CCDC3: variants seen among roughly 807,000 people sequenced by gnomAD.
CCDC3 encodes coiled-coil domain containing 3, also known as coiled-coil domain-containing protein 3.
Under a neutral mutation model 21.4 loss-of-function variants are expected in CCDC3, and 24 were observed. The ratio of observed to expected loss-of-function variants is 1.12; its 90% CI spans 0.81 to 1.58. The LOEUF (loss-of-function observed/expected upper bound fraction) is 1.58. Among genes scored for constraint, CCDC3 ranks in the 40% most tolerant of loss-of-function variants. The pLI is 0.00. For missense variants in CCDC3, 425 were observed against 360.9 expected (o/e 1.18, Z -1.44); for synonymous variants, 186 against 166.0 (o/e 1.12, Z -0.93).
chr10:12,981,409 C>T (rs930433748), intron 2 of CCDC3, among the ~76,000 whole-genome samples: 10 of 151,984 alleles, frequency 6.6e-5, no homozygotes, highest in African/African-American at 1.7e-4. Context: ...GGTCTCAGAA[C>T]TCCTGACCTC....
intron 2 of CCDC3, among the ~76,000 whole-genome samples, chr10:12,959,145 C>T (rs1483997018): frequency 1.3e-5 from 2 of 151,622 alleles, no homozygotes; most frequent in Non-Finnish European, 2.9e-5. Context: ...TCCCAACTCA[C>T]CCATCTTCAT....
Position 13,001,212 on chromosome 10 carries a change from T to C in CCDC3, c.359A>G (p.Tyr120Cys), listed in dbSNP as rs1564315865. The C allele has an allele frequency of 6.4e-7, 1 of 1,558,148 alleles. No individual in the cohort carries two copies. Among genetic ancestry groups the C allele is most frequent in the East Asian group, 2.4e-5 (1 of 41,554 alleles). ...HSHTVVQDYSYFFFLRMDENY... is the reference protein window; with the variant it reads ...HSHTVVQDYSCFFFLRMDENY... The stretch of plus-strand genomic sequence containing the variant: ...CCGGGCTCACCTGAGGAAGAAGAAA[T>C]AGGAGTAGTCCTGGACCACGGTGTG... The change falls in exon 1 of 3, where the codon TAT becomes TGT. Residue 120 changes from tyrosine to cysteine, a missense_variant. Coordinates refer to ENST00000378825, the MANE Select transcript of CCDC3 (RefSeq NM_031455.4).
At chr10:12,919,821 T>G (rs1312388536) in intron 2 of CCDC3, among the ~76,000 whole-genome samples, 1 of 152,198 alleles carries the variant, frequency 6.6e-6, no homozygotes, top group Admixed American at 6.5e-5. Context: ...ATTAAATCCT[T>G]GCCCTGCAGG....
Position 13,001,527 on chromosome 10 carries a change from G to A in CCDC3, c.44C>T (p.Pro15Leu). Residue 15 changes from proline to leucine, a missense_variant, in exon 1 of 3, where the codon CCC becomes CTC. Physicochemically the swap from Pro to Leu is moderately conservative, Grantham distance 98. Coordinates refer to ENST00000378825, the MANE Select transcript of CCDC3 (RefSeq NM_031455.4). ...CTGGCAGGCGCGCGCGGGCGCTGGG[G>A]GACCCGCCAGGCAGAGCGCGGCGAG... is the stretch of plus-strand genomic sequence containing the variant. The part of the protein sequence containing the change: ...LLLAALCLAG[P>L]PAPARACQLP... 7.6e-7 allele frequency: 1 copy of A among 1,312,998 alleles called. No individual in the cohort carries two copies. Among genetic ancestry groups the A allele is most frequent in the South Asian group, 2.2e-5 (1 of 46,112 alleles). The allele number at this position is 1,312,998 out of a possible 1,614,324, so 81.3% of individuals were successfully genotyped here.
intron 5 of CCDC3, among the ~76,000 whole-genome samples, chr10:13,026,194 A>G (rs908932264): frequency 6.6e-6 from 1 of 152,148 alleles, no homozygotes; most frequent in Admixed American, 6.5e-5. Flanking sequence ...ATAAATAAAA[A>G]TAAATAATTT....
intron 2 of CCDC3, among the ~76,000 whole-genome samples, chr10:12,939,971 AAATAGCATTGACCTGGTCAAGATGGATT>A (rs1834795426): frequency 6.6e-6 from 1 of 152,228 alleles, no homozygotes; most frequent in Non-Finnish European, 1.5e-5. Context: ...AGGCCTTTAA[AAATAGCATTGACCTGGTCAAGATGGATT>A]AAATGCCCAT....
At chr10:13,051,525 T>C (rs188797067) in intron 4 of CCDC3, among the ~76,000 whole-genome samples, 63 of 152,346 alleles carry the variant, frequency 4.1e-4, no homozygotes, top group African/African-American at 1.4e-3. Flanking sequence ...GCAGGTATGA[T>C]GGCAGCTGTC....
Position 13,001,402 on chromosome 10 carries a change from C to T in CCDC3, c.169G>A (p.Gly57Ser). The T allele has an allele frequency of 6.4e-7, 1 of 1,565,638 alleles. No homozygotes were observed. The highest frequency in any genetic ancestry group is 8.7e-7 in the Non-Finnish European group (1 of 1,156,008). Residue 57 changes from glycine (G) to serine (S), a missense_variant, in exon 1 of 3, where the codon GGC (glycine) becomes AGC (serine). By Grantham distance (56) the Gly-to-Ser change is moderately conservative. Coordinates refer to ENST00000378825, the MANE Select transcript of CCDC3 (RefSeq NM_031455.4). ...TGCCAGGGCAGGTGGTTGTAGAGGCCGGGCGCCTCGGGGTGCAGCGCCAGC... is the reference window on the plus strand; with the variant it reads ...TGCCAGGGCAGGTGGTTGTAGAGGCTGGGCGCCTCGGGGTGCAGCGCCAGC... ...RVLALHPEAP[G>S]LYNHLPWQYH...
chr10:13,031,910 G>A (rs1427897025), intron 5 of CCDC3, among the ~76,000 whole-genome samples: 1 of 152,128 alleles, frequency 6.6e-6, no homozygotes, highest in Non-Finnish European at 1.5e-5. Context: ...TCTACCAGAG[G>A]TACAAAGAGG....
chr10:13,066,163 AT>A (rs537714732), intron 4 of CCDC3, among the ~76,000 whole-genome samples: 112 of 147,516 alleles, frequency 7.6e-4, no homozygotes, highest in Non-Finnish European at 8.7e-4. Context: ...ACCCTAGGTG[AT>A]TTTTTTTTTT....
rs140831438 is a variant in CCDC3 at position 13,076,694 on chromosome 10, C to T, written c.-502-2594G>A. 8.2e-3 allele frequency among the ~76,000 whole-genome samples: 1,242 copies of T among 152,312 alleles called. 17 individuals carry two copies. The highest frequency in any genetic ancestry group is 0.028 in the African/African-American group (1,171 of 41,574). ...TATCTGTGCTGGACATGCTCACAGA[C>T]ATGTCCCAGCTCGCAGCCTATGCCC... On this transcript the variant is annotated intron_variant, in intron 3 of 6. Coordinates refer to the CCDC3 transcript ENST00000378839.
chr10:13,077,420 A>C (rs1380058744), intron 3 of CCDC3, among the ~76,000 whole-genome samples: 3 of 152,214 alleles, frequency 2.0e-5, no homozygotes, highest in South Asian at 2.1e-4. Context: ...ATATCGTGAA[A>C]ATGGCCATAC....
At chr10:12,934,835 G>C (rs1326856960) in intron 2 of CCDC3, among the ~76,000 whole-genome samples, 1 of 152,088 alleles carries the variant, frequency 6.6e-6, no homozygotes, top group Non-Finnish European at 1.5e-5. Flanking sequence ...GCCTTGCTCT[G>C]TTGCCCAGGC....
intron 5 of CCDC3, among the ~76,000 whole-genome samples, chr10:13,048,773 G>C (rs570056125): frequency 1.4e-5 from 2 of 147,418 alleles, no homozygotes; most frequent in African/African-American, 4.9e-5. Context: ...AGCTGAGAAG[G>C]GATTAAAATT....
chr10:13,011,914 C>A (rs1717061254), intron 5 of CCDC3, among the ~76,000 whole-genome samples: 1 of 152,192 alleles, frequency 6.6e-6, no homozygotes, highest in African/African-American at 2.4e-5. Flanking sequence ...ACCATCTGAT[C>A]TTTGACAAAG....
chr10:13,078,554 T>C (rs1427910677), intron 3 of CCDC3, among the ~76,000 whole-genome samples: 2 of 152,206 alleles, frequency 1.3e-5, no homozygotes, highest in Non-Finnish European at 1.5e-5. Flanking sequence ...TAAAGACACA[T>C]GCACACATAT....
Position 12,920,426 on chromosome 10 carries a change from T to G in CCDC3, c.550-21747A>C, listed in dbSNP as rs572433570. Among the ~76,000 whole-genome samples, 5 of 152,282 alleles carry G rather than the reference T, an allele frequency of 3.3e-5. No homozygotes were observed. The South Asian group carries it at 1.0e-3, about 32-fold the overall frequency. On this transcript the variant is annotated intron_variant, in intron 2 of 2. Transcript: ENST00000378825. ...AACCACATCACTAAGGCTTTGGACA[T>G]CAAATGTGGACATTTCAGGGCTGGT...
chr10:13,093,842 G>C (rs1406129490), intron 3 of CCDC3, among the ~76,000 whole-genome samples: 1 of 152,090 alleles, frequency 6.6e-6, no homozygotes, highest in Non-Finnish European at 1.5e-5. Context: ...TTAATCCAAA[G>C]AAGCTAAAAC....
At chr10:12,931,102 C>G (rs905200938) in intron 2 of CCDC3, among the ~76,000 whole-genome samples, 1 of 149,744 alleles carries the variant, frequency 6.7e-6, no homozygotes, top group South Asian at 2.1e-4. Flanking sequence ...TCCCAGCTAC[C>G]TGGGAGGCTA....
Sources: gnomAD v4.1 joint callset for allele counts (sites outside exome capture counted in the v4.1 genomes callset) on GRCh38, gnomAD v4.1.1 for gene constraint, MANE v1.5 for transcripts, NCBI Gene and HGNC (gene_info 2026-07-23, HGNC 2026-07-21) for gene names.